Variants in BBX observed in about 807,000 individuals in gnomAD.
BBX encodes the protein HMG box transcription factor BBX.
Under a neutral mutation model 100.2 loss-of-function variants are expected in BBX, and 30 were observed. The ratio of observed to expected loss-of-function variants is 0.30; its 90% CI spans 0.22 to 0.41. The LOEUF is 0.41. Ranked by LOEUF, BBX falls within the 10% of genes least tolerant of loss-of-function variation. The pLI is 1.00. For synonymous variants in BBX, 376 were observed against 388.1 expected (o/e 0.97, Z 0.37); for missense variants, 1,023 against 1,129.8 (o/e 0.91, Z 1.35).
At chr3:107,749,058 A>G (rs1428879631) in intron 9 of BBX, among the ~76,000 whole-genome samples, 2 of 151,922 alleles carry the variant, frequency 1.3e-5, no homozygotes, top group African/African-American at 4.8e-5. Context: ...ACTTTATACC[A>G]TCGGTTGGCC....
At chr3:107,542,108 C>T (rs920352767) in intron 2 of BBX, among the ~76,000 whole-genome samples, 1 of 152,148 alleles carries the variant, frequency 6.6e-6, no homozygotes, top group Non-Finnish European at 1.5e-5. Flanking sequence ...CAAGTTATTT[C>T]AGGATCAATT....
At chr3:107,690,795 A>G (rs978704571) in intron 3 of BBX, among the ~76,000 whole-genome samples, 2 of 151,858 alleles carry the variant, frequency 1.3e-5, no homozygotes, top group Non-Finnish European at 2.9e-5. Context: ...AGTGATTTAC[A>G]ACATTCTTGT....
At chr3:107,694,626 T>A (rs1221417851) in intron 3 of BBX, among the ~76,000 whole-genome samples, 1 of 149,150 alleles carries the variant, frequency 6.7e-6, no homozygotes, top group East Asian at 2.0e-4. Flanking sequence ...TTTGCATCAA[T>A]GTTCATCAAG....
intron 2 of BBX, among the ~76,000 whole-genome samples, chr3:107,532,185 T>A (rs2048207292): frequency 1.3e-5 from 2 of 151,336 alleles, no homozygotes. Flanking sequence ...AAGAGCAAGG[T>A]CCTGTCTCAA....
At chr3:107,794,967 C>T (rs551288755) in intron 15 of BBX, among the ~76,000 whole-genome samples, 6 of 152,276 alleles carry the variant, frequency 3.9e-5, no homozygotes, top group South Asian at 2.1e-4. Flanking sequence ...TCAGATGATA[C>T]GCACCAAGTG....
intron 9 of BBX, among the ~76,000 whole-genome samples, chr3:107,753,233 A>C (rs1309719071): frequency 6.6e-6 from 1 of 152,200 alleles, no homozygotes; most frequent in Non-Finnish European, 1.5e-5. Context: ...ATAAGGACCA[A>C]GCCATGGAAA....
At chr3:107,780,254 C>G (rs904265336) in intron 13 of BBX, among the ~76,000 whole-genome samples, 2 of 152,078 alleles carry the variant, frequency 1.3e-5, no homozygotes, top group African/African-American at 4.8e-5. Flanking sequence ...TAAAATGGAA[C>G]TTAATTGATA....
At chr3:107,798,829 A>T in intron 16 of BBX, 109 bp downstream of exon 16, 3 of 974,702 alleles carry the variant, frequency 3.1e-6, no homozygotes, top group South Asian at 1.7e-5. Flanking sequence ...ACAATAGCCA[A>T]TGAGCTAAAA....
At chr3:107,584,064 CATATATTATATATATT>C (rs2052541686) in intron 2 of BBX, among the ~76,000 whole-genome samples, 1 of 10,244 alleles carries the variant, frequency 9.8e-5, no homozygotes, top group South Asian at 1.4e-3. Flanking sequence ...TTATATATAT[CATATATTATATATATT>C]ATATATATCA....
chr3:107,672,173 G>A (rs962693447), intron 3 of BBX, among the ~76,000 whole-genome samples: 1 of 152,020 alleles, frequency 6.6e-6, no homozygotes. Context: ...TCACTTGTAT[G>A]AGACCTTAAG....
intron 17 of BBX, 25 bp from the exon 18 acceptor site, chr3:107,805,345 A>G: frequency 6.3e-7 from 1 of 1,597,262 alleles, no homozygotes; most frequent in East Asian, 2.2e-5. Context: ...TGAATAAGTG[A>G]CTTTTTCTTC....
At chr3:107,608,550 C>CT (rs1370183384) in intron 2 of BBX, among the ~76,000 whole-genome samples, 1 of 151,866 alleles carries the variant, frequency 6.6e-6, no homozygotes, top group Non-Finnish European at 1.5e-5. Context: ...TAGTCTGGGT[C>CT]TTTTGTGGTT....
chr3:107,746,059 T>C lies in BBX; in HGVS notation c.750+1349T>C, dbSNP rs1422928708. Among the ~76,000 whole-genome samples the C allele has an allele frequency of 2.6e-5, 4 of 152,068 alleles. 1 individual carries two copies. In the South Asian group the frequency reaches 6.2e-4, roughly 24 times the overall value. On this transcript the variant is annotated intron_variant, in intron 8 of 17. Coordinates refer to ENST00000325805, the MANE Select transcript of BBX (RefSeq NM_001142568.3). ...ATTTATAATAACATCCCCCTCCCCCTTTTTTTAGAACTTCTGAGATACTTT... is the reference window on the plus strand; with the variant it reads ...ATTTATAATAACATCCCCCTCCCCCCTTTTTTAGAACTTCTGAGATACTTT...
intron 2 of BBX, among the ~76,000 whole-genome samples, chr3:107,580,672 C>T (rs1288731359): frequency 1.3e-5 from 2 of 151,934 alleles, no homozygotes; most frequent in Admixed American, 6.6e-5. Context: ...CTCTTTTTTG[C>T]CCAAGCTGGA....
intron 3 of BBX, among the ~76,000 whole-genome samples, chr3:107,706,205 G>C (rs553925783): frequency 1.3e-5 from 2 of 151,988 alleles, no homozygotes; most frequent in South Asian, 4.2e-4. Flanking sequence ...TGTATTGTTA[G>C]TAGAAACAGG....
At chr3:107,541,517 A>G (rs2048860902) in intron 2 of BBX, among the ~76,000 whole-genome samples, 1 of 152,174 alleles carries the variant, frequency 6.6e-6, no homozygotes, top group South Asian at 2.1e-4. Context: ...AATTATGTAG[A>G]AAGACTGTCC....
intron 2 of BBX, among the ~76,000 whole-genome samples, chr3:107,634,688 T>C (rs1357612880): frequency 1.3e-5 from 2 of 152,150 alleles, no homozygotes; most frequent in African/African-American, 4.8e-5. Flanking sequence ...ACCCTGAAAA[T>C]AGAATAATTG....
intron 13 of BBX, among the ~76,000 whole-genome samples, chr3:107,779,022 C>CATATATATATATATAT (rs1241281777): frequency 1.5e-5 from 1 of 64,696 alleles, no homozygotes; most frequent in Non-Finnish European, 2.8e-5. Context: ...TATATATATA[C>CATATATATATATATAT]ACACACACAC....
chr3:107,707,596 G>A (rs1011920070), intron 3 of BBX, among the ~76,000 whole-genome samples: 7 of 152,180 alleles, frequency 4.6e-5, no homozygotes, highest in African/African-American at 1.4e-4. Context: ...CATTAGCAAT[G>A]TAGAGTCTTT....
Sources: gnomAD v4.1 joint callset for allele counts (sites outside exome capture counted in the v4.1 genomes callset) on GRCh38, gnomAD v4.1.1 for gene constraint, MANE v1.5 for transcripts, NCBI Gene and HGNC (gene_info 2026-07-23, HGNC 2026-07-21) for gene names.